Variants in PLCB1 observed in about 807,000 individuals in gnomAD.
PLCB1 encodes the protein phospholipase C beta 1.
PLCB1 carries 46 observed loss-of-function variants against 161.8 expected under a neutral mutation model. That is an observed-to-expected ratio of 0.28 (90% CI 0.22 to 0.36). PLCB1 has a LOEUF of 0.36. Among genes scored for constraint, PLCB1 ranks in the 10% least tolerant of loss-of-function variants. The pLI, the probability that PLCB1 is intolerant of heterozygous loss-of-function variation, is 1.00. For synonymous variants in PLCB1, 517 were observed against 503.7 expected, an observed-to-expected ratio of 1.03 and a Z score of -0.35; for missense variants, 1,016 against 1,472.5, an observed-to-expected ratio of 0.69 and a Z score of 5.07.
At chr20:8,642,649 T>C (rs1055017427) in intron 4 of PLCB1, among the ~76,000 whole-genome samples, 2 of 152,222 alleles carry the variant, frequency 1.3e-5, no homozygotes, top group Non-Finnish European at 2.9e-5. Context: ...TTAAAATATC[T>C]TGTTTAAAAT....
intron 2 of PLCB1, among the ~76,000 whole-genome samples, chr20:8,340,532 C>T (rs1985763512): frequency 6.6e-6 from 1 of 151,930 alleles, no homozygotes. Context: ...ACGCCATTCT[C>T]CTGCCTCAGC....
At chr20:8,164,263 A>G (rs1365967643) in intron 2 of PLCB1, among the ~76,000 whole-genome samples, 2 of 152,104 alleles carry the variant, frequency 1.3e-5, no homozygotes, top group Non-Finnish European at 2.9e-5. Context: ...AGGCAGAATG[A>G]CTTCCCTTGG....
At chr20:8,432,227 A>G (rs1041485179) in intron 3 of PLCB1, among the ~76,000 whole-genome samples, 6 of 152,182 alleles carry the variant, frequency 3.9e-5, no homozygotes, top group African/African-American at 1.4e-4. Flanking sequence ...TCCCTGCTAC[A>G]GCGCTTCCTG....
At chr20:8,366,661 G>GCATAT (rs1415270709) in intron 2 of PLCB1, among the ~76,000 whole-genome samples, 2 of 152,122 alleles carry the variant, frequency 1.3e-5, no homozygotes, top group African/African-American at 4.8e-5. Context: ...AAAAGAGAGG[G>GCATAT]CATATCCATC....
intron 3 of PLCB1, among the ~76,000 whole-genome samples, chr20:8,562,705 A>C (rs1986182324): frequency 6.6e-6 from 1 of 152,094 alleles, no homozygotes; most frequent in Non-Finnish European, 1.5e-5. Flanking sequence ...ACCCCAGTTT[A>C]AATATAACCA....
intron 2 of PLCB1, among the ~76,000 whole-genome samples, chr20:8,332,517 T>C (rs976942701): frequency 8.5e-5 from 13 of 152,236 alleles, no homozygotes; most frequent in South Asian, 6.2e-4. Flanking sequence ...GTGCTTTCCA[T>C]GTTGCATCTC....
chr20:8,294,484 A>G (rs1983534975), intron 2 of PLCB1, among the ~76,000 whole-genome samples: 1 of 151,816 alleles, frequency 6.6e-6, no homozygotes, highest in South Asian at 2.1e-4. Flanking sequence ...ATATACACAT[A>G]CTTACACATA....
intron 1 of PLCB1, among the ~76,000 whole-genome samples, chr20:8,142,330 C>A (rs542807317): frequency 3.3e-5 from 5 of 152,296 alleles, no homozygotes; most frequent in Admixed American, 3.3e-4. Context: ...GCTCCTTGTC[C>A]TTCCATTCCA....
chr20:8,648,671 GGCTCAT>G (rs1228115917), intron 6 of PLCB1, among the ~76,000 whole-genome samples: 2 of 152,182 alleles, frequency 1.3e-5, no homozygotes, highest in African/African-American at 4.8e-5. Flanking sequence ...CAAGCACAGT[GGCTCAT>G]GCCTGTAATC....
At chr20:8,141,797 T>C (rs999545113) in intron 1 of PLCB1, 5 of 152,304 alleles carry the variant, frequency 3.3e-5, no homozygotes, top group Non-Finnish European at 7.3e-5. Flanking sequence ...AGCAAGACTC[T>C]TTATATCTGT....
At chr20:8,867,373 G>A (rs552343065) in intron 31 of PLCB1, among the ~76,000 whole-genome samples, 6 of 152,230 alleles carry the variant, frequency 3.9e-5, no homozygotes, top group South Asian at 2.1e-4. Flanking sequence ...TGCTTGCACC[G>A]TCTGCACTAT....
intron 2 of PLCB1, among the ~76,000 whole-genome samples, chr20:8,297,207 A>G (rs1983674742): frequency 6.6e-6 from 1 of 152,142 alleles, no homozygotes; most frequent in South Asian, 2.1e-4. Context: ...ATACATATGC[A>G]TGTATATCTA....
chr20:8,553,297 CT>C (rs772660794), intron 3 of PLCB1, among the ~76,000 whole-genome samples: 3 of 152,122 alleles, frequency 2.0e-5, no homozygotes, highest in Non-Finnish European at 4.4e-5. Flanking sequence ...CAGTTTCTCA[CT>C]ATTTAGATTT....
At chr20:8,552,271 C>G (rs1487753460) in intron 3 of PLCB1, among the ~76,000 whole-genome samples, 1 of 152,168 alleles carries the variant, frequency 6.6e-6, no homozygotes, top group Non-Finnish European at 1.5e-5. Context: ...GTGGTGCCCA[C>G]CAGACCCAGA....
rs774970817 is a variant in PLCB1, at chr20:8,881,675, C to G, written c.3477C>G (p.Leu1159=). The G allele has an allele frequency of 7.4e-6, 12 of 1,613,984 alleles. 1 individual carries two copies. In the South Asian group the frequency reaches 1.3e-4, roughly 18 times the overall value. ...EYQDKFKRLP[L]EILEFVQEAM... is the part of the protein sequence containing the mutation. ...AAGACAAATTCAAAAGACTGCCCCT[C>G]GAGATTTTGGAATTCGTGCAGGAAG... The change falls in exon 32 of 32, where the codon CTC becomes CTG. Residue 1159 remains leucine, a synonymous_variant. Transcript: ENST00000338037.
chr20:8,724,615 G>A (rs778514448), intron 15 of PLCB1, 41 bp from the exon 16 acceptor site: 1 of 1,101,122 alleles, frequency 9.1e-7, no homozygotes, highest in Non-Finnish European at 1.4e-6. Flanking sequence ...ATAATATAAT[G>A]CTGACTCTGG....
chr20:8,865,716 A>G (rs544813191), intron 31 of PLCB1, among the ~76,000 whole-genome samples: 1 of 152,162 alleles, frequency 6.6e-6, no homozygotes, highest in African/African-American at 2.4e-5. Flanking sequence ...GAGATTCCCC[A>G]TATGTCCCCA....
At chr20:8,315,318 C>T (rs1312403752) in intron 2 of PLCB1, among the ~76,000 whole-genome samples, 1 of 152,186 alleles carries the variant, frequency 6.6e-6, no homozygotes, top group Non-Finnish European at 1.5e-5. Context: ...CCTGCCCTGA[C>T]CTGAGTGGGA....
chr20:8,384,757 T>A (rs1987372651), intron 3 of PLCB1, among the ~76,000 whole-genome samples: 1 of 152,186 alleles, frequency 6.6e-6, no homozygotes, highest in Non-Finnish European at 1.5e-5. Flanking sequence ...TGTTTGTTTG[T>A]TTTTCTTTCA....
Sources: gnomAD v4.1 joint callset for allele counts (sites outside exome capture counted in the v4.1 genomes callset) on GRCh38, gnomAD v4.1.1 for gene constraint, MANE v1.5 for transcripts, NCBI Gene and HGNC (gene_info 2026-07-23, HGNC 2026-07-21) for gene names.